The following LONP1 variants were observed in gnomAD, a reference collection of about 807,000 sequenced individuals.
LONP1 encodes the protein lon peptidase 1, mitochondrial, also known as lon protease homolog, mitochondrial.
In LONP1, 31 loss-of-function variants were observed where a neutral mutation model predicts 98.5. The observed-to-expected ratio is 0.31, with a 90% CI of 0.24 to 0.42. The LOEUF is 0.42. Ranked by LOEUF, LONP1 falls within the 20% of genes least tolerant of loss-of-function variation. The pLI, the probability that LONP1 is intolerant of heterozygous loss-of-function variation, is 1.00. For missense variants in LONP1, 1,336 were observed against 1,350.6 expected, an observed-to-expected ratio of 0.99 and a Z score of 0.17; for synonymous variants, 781 against 594.7, an observed-to-expected ratio of 1.31 and a Z score of -4.56.
chr19:5,714,132 C>G (rs2055277652), intron 2 of LONP1, 51 bp downstream of exon 2: 1 of 1,421,916 alleles, frequency 7.0e-7, no homozygotes, highest in Non-Finnish European at 9.9e-7. Flanking sequence ...TTGTGGTGAG[C>G]TGGACTCTAG....
rs547038536 is a variant in LONP1 at position 5,696,208 on chromosome 19, T to C, written c.1897-38A>G. 1.9e-5 allele frequency: 31 copies of C among 1,612,690 alleles called. No homozygotes were observed. In the East Asian group the frequency reaches 6.9e-4, roughly 36 times the overall value. On this transcript the variant is annotated intron_variant, in intron 12 of 17. Coordinates refer to ENST00000360614, the MANE Select transcript of LONP1 (RefSeq NM_004793.4). ...GCAAGGTGCTGGGGGACTGGCCGCT[T>C]ACCCTCCCCAGCAAGCCCAGGCCCC...
chr19:5,706,934 G>T, intron 7 of LONP1, 126 bp downstream of exon 7: 1 of 733,248 alleles, frequency 1.4e-6, no homozygotes, highest in Non-Finnish European at 2.3e-6. Context: ...TCAAAACCCA[G>T]ACAGGCCTTC....
intron 8 of LONP1, 142 bp from the exon 9 acceptor site, chr19:5,701,069 T>C (rs921061851): frequency 1.8e-5 from 16 of 887,500 alleles, no homozygotes; most frequent in Admixed American, 9.7e-5. Flanking sequence ...ATCCCAGCTC[T>C]TTGGGAGGCC....
chr19:5,716,934 C>T (rs553427497), intron 1 of LONP1, among the ~76,000 whole-genome samples: 5 of 152,170 alleles, frequency 3.3e-5, no homozygotes, highest in Admixed American at 6.5e-5. Flanking sequence ...GCTGGGACTA[C>T]GGGCGCCCAC....
Position 5,705,890 on chromosome 19 carries a change from T to C in LONP1, c.1249A>G (p.Ile417Val). ...LGLEKDDKDA[I>V]EEKFRERLKE... Reference sequence around the variant, plus strand: ...AGGCGCTCCCGGAACTTCTCCTCGATGGCATCCTTGTCGTCCTTCTCCAGG... The same window carrying C: ...AGGCGCTCCCGGAACTTCTCCTCGACGGCATCCTTGTCGTCCTTCTCCAGG... Residue 417 changes from isoleucine (I) to valine (V), a missense_variant, in exon 8 of 18, where the codon ATC (isoleucine) becomes GTC (valine). Ile to Val is a conservative substitution (Grantham distance 29). Around this residue, in one of 5 missense-constraint regions of LONP1, gnomAD observed 219 missense variants for 241.0 expected, o/e 0.91. Coordinates refer to ENST00000360614, the MANE Select transcript of LONP1 (RefSeq NM_004793.4). 3 of 1,614,158 alleles carry C rather than the reference T, an allele frequency of 1.9e-6. No individual in the cohort carries two copies. The highest frequency in any genetic ancestry group is 2.5e-6 in the Non-Finnish European group (3 of 1,180,030).
At chr19:5,718,165 A>G (rs905040934) in intron 1 of LONP1, among the ~76,000 whole-genome samples, 1 of 151,960 alleles carries the variant, frequency 6.6e-6, no homozygotes, top group African/African-American at 2.4e-5. Flanking sequence ...TGCATCAGTA[A>G]CCAGTACTCA....
intron 3 of LONP1, 94 bp downstream of exon 3, chr19:5,713,039 AG>A (rs2055261685): frequency 6.4e-7 from 1 of 1,556,662 alleles, no homozygotes; most frequent in Admixed American, 1.7e-5. Context: ...GCTGACGGAC[AG>A]GGCAGAGGCT....
At chr19:5,701,846 G>GA (rs919233241) in intron 8 of LONP1, among the ~76,000 whole-genome samples, 1 of 151,786 alleles carries the variant, frequency 6.6e-6, no homozygotes, top group African/African-American at 2.4e-5. Context: ...GGAAGGTGAG[G>GA]AGCGTCTCTG....
chr19:5,693,630 G>T lies in LONP1; in HGVS notation c.2460C>A (p.Phe820Leu). Residue 820 changes from phenylalanine to leucine, a missense_variant, in exon 16 of 18, where the codon TTC (phenylalanine) becomes TTA (leucine). This residue lies in a region of LONP1 where 555 missense variants were observed against 542.6 expected (regional missense o/e 1.02). Transcript: ENST00000360614. ...MKESARIAYTFARAFLMQHAP... is the reference protein window; with the variant it reads ...MKESARIAYTLARAFLMQHAP... ...CGTGCTGCATGAGGAAGGCTCTGGC[G>T]AAGGTGTAGGCTATGCGGGCGCTCT... 1 of 1,614,118 alleles carries T rather than the reference G, an allele frequency of 6.2e-7. No homozygotes were observed. The highest frequency in any genetic ancestry group is 2.2e-5 in the East Asian group (1 of 44,874).
At chr19:5,716,943 A>G (rs1022444471) in intron 1 of LONP1, among the ~76,000 whole-genome samples, 281 of 152,076 alleles carry the variant, frequency 1.8e-3, no homozygotes, top group Non-Finnish European at 3.2e-3. Flanking sequence ...ACGGGCGCCC[A>G]CCACCACTCC....
chr19:5,696,596 G>A (rs2054934076), intron 11 of LONP1, 74 bp downstream of exon 11: 3 of 1,462,142 alleles, frequency 2.1e-6, no homozygotes, highest in East Asian at 2.3e-5. Flanking sequence ...GGGATCCTAG[G>A]ACCCGGAAGG....
chr19:5,707,227 C>CTGAG, intron 6 of LONP1, 84 bp from the exon 7 acceptor site: 1 of 1,067,320 alleles, frequency 9.4e-7, no homozygotes. Flanking sequence ...AATGCGCACC[C>CTGAG]TGAGAGATGC....
At chr19:5,713,324 TG>T (rs2145626921) in intron 2 of LONP1, 71 bp from the exon 3 acceptor site, 1 of 1,559,484 alleles carries the variant, frequency 6.4e-7, no homozygotes, top group Admixed American at 1.7e-5. Context: ...CTGGCTGAGA[TG>T]GAGGAGGGAG....
rs1200539692 is a variant in LONP1, at chr19:5,716,253, A to AATATATAT, written c.430-1983_430-1982insATATATAT. Among the ~76,000 whole-genome samples, 247 of 71,678 alleles carry AATATATAT rather than the reference A, an allele frequency of 3.4e-3. 5 individuals carry two copies. The highest frequency in any genetic ancestry group is 7.8e-3 in the Middle Eastern group (1 of 128). The allele number at this position is 71,678 out of a possible 152,430, so 47.0% of individuals were successfully genotyped here. On this transcript the variant is annotated intron_variant, in intron 1 of 17. Coordinates refer to ENST00000360614, the MANE Select transcript of LONP1 (RefSeq NM_004793.4). Reference sequence around the variant, plus strand: ...ATTCTTTATTATATAATAAAGTTAAAATATACATATATATATATATATATA... The same window carrying AATATATAT: ...ATTCTTTATTATATAATAAAGTTAAAATATATATATATACATATATATATATATATATA...
intron 14 of LONP1, 101 bp from the exon 15 acceptor site, chr19:5,694,653 G>A: frequency 8.3e-6 from 13 of 1,564,068 alleles, no homozygotes; most frequent in East Asian, 2.3e-5. Flanking sequence ...GCGGGGTGGT[G>A]GGGTGATGGG....
intron 14 of LONP1, 101 bp from the exon 15 acceptor site, chr19:5,694,653 G>GGGGTGATGGGCGCGGGGTGGTT: frequency 6.4e-7 from 1 of 1,564,064 alleles, no homozygotes; most frequent in Non-Finnish European, 8.7e-7. Context: ...GCGGGGTGGT[G>GGGGTGATGGGCGCGGGGTGGTT]GGGTGATGGG....
chr19:5,715,761 G>A (rs908256029), intron 1 of LONP1, among the ~76,000 whole-genome samples: 2 of 146,086 alleles, frequency 1.4e-5, no homozygotes, highest in African/African-American at 2.5e-5. Flanking sequence ...AGGTTCAAGC[G>A]ATTCTTCCAA....
intron 10 of LONP1, 119 bp downstream of exon 10, chr19:5,698,908 G>C (rs1397902934): frequency 1.9e-6 from 2 of 1,044,394 alleles, no homozygotes; most frequent in Non-Finnish European, 1.3e-6. Flanking sequence ...CAGCATGAGT[G>C]GAATCGGTTG....
chr19:5,710,475 A>G (rs1453580823), intron 4 of LONP1, among the ~76,000 whole-genome samples: 1 of 152,004 alleles, frequency 6.6e-6, no homozygotes, highest in African/African-American at 2.4e-5. Context: ...AGCTCACTGC[A>G]GCCTCAATCT....
Sources: gnomAD v4.1 joint callset for allele counts (sites outside exome capture counted in the v4.1 genomes callset) on GRCh38, gnomAD v4.1.1 for gene constraint, gnomAD v4.1.1 regional missense constraint, MANE v1.5 for transcripts, NCBI Gene and HGNC (gene_info 2026-07-23, HGNC 2026-07-21) for gene names.